The following SLC7A14 variants were observed in gnomAD, a reference collection of about 807,000 sequenced individuals.
The protein encoded by SLC7A14 is solute carrier family 7 member 14.
In SLC7A14, 37 loss-of-function variants were observed where a neutral mutation model predicts 60.2. That is an observed-to-expected ratio of 0.61 (90% CI 0.47 to 0.81). The LOEUF (loss-of-function observed/expected upper bound fraction) is 0.81, where lower values mean the gene tolerates loss of function less well. SLC7A14 is among the 30% of genes least tolerant of loss of function. The pLI, the probability that SLC7A14 is intolerant of heterozygous loss-of-function variation, is 0.00. For synonymous variants in SLC7A14, 399 were observed against 395.8 expected (o/e 1.01, Z -0.10); for missense variants, 886 against 982.7 (o/e 0.90, Z 1.32).
chr3:170,472,759 C>T (rs1337949900), intron 7 of SLC7A14, among the ~76,000 whole-genome samples: 6 of 145,244 alleles, frequency 4.1e-5, no homozygotes, highest in Admixed American at 3.4e-4. Context: ...AGAGTGAAGA[C>T]TCCGTCTCAA....
At position 170,580,455 on chromosome 3, in the gene SLC7A14, CAT is replaced by C. The variant is rs780516311; in HGVS notation, c.-153+5454_-153+5455del. Among the ~76,000 whole-genome samples the C allele has an allele frequency of 9.8e-5, 15 of 152,302 alleles. No individual in the cohort carries two copies. The South Asian group carries it at 2.7e-3, about 27-fold the overall frequency. On this transcript the variant is annotated intron_variant, in intron 1 of 7. Transcript: ENST00000231706. ...GTGAATAAATCATGACGCCCAACAA[CAT>C]ATGTTTATTGTTAAAGCTAGCATCA...
intron 4 of SLC7A14, chr3:170,495,506 C>A: frequency 6.3e-6 from 5 of 791,156 alleles, no homozygotes; most frequent in Non-Finnish European, 1.0e-5. Context: ...CCTTTAGCAG[C>A]CGCTTTTACA....
chr3:170,541,328 T>C (rs571640235), intron 1 of SLC7A14, among the ~76,000 whole-genome samples: 1 of 152,338 alleles, frequency 6.6e-6, no homozygotes, highest in African/African-American at 2.4e-5. Flanking sequence ...CCAGGTGTTA[T>C]GGTTCACACC....
chr3:170,473,668 C>T (rs1414419152), intron 7 of SLC7A14, among the ~76,000 whole-genome samples: 5 of 152,094 alleles, frequency 3.3e-5, no homozygotes, highest in African/African-American at 1.2e-4. Flanking sequence ...CCCACCTCAA[C>T]CCCACCAACT....
intron 7 of SLC7A14, among the ~76,000 whole-genome samples, chr3:170,469,665 AC>A (rs1476075542): frequency 6.6e-6 from 1 of 151,396 alleles, no homozygotes; most frequent in Non-Finnish European, 1.5e-5. Context: ...ACCTGTGCAC[AC>A]CTCCTTTTGC....
chr3:170,506,778 A>G (rs528448228), intron 2 of SLC7A14, among the ~76,000 whole-genome samples: 1 of 152,210 alleles, frequency 6.6e-6, no homozygotes, highest in Non-Finnish European at 1.5e-5. Flanking sequence ...CCCTTTTAGA[A>G]CCAGGAAGCA....
At chr3:170,470,483 G>A (rs1739865880) in intron 7 of SLC7A14, among the ~76,000 whole-genome samples, 2 of 150,452 alleles carry the variant, frequency 1.3e-5, no homozygotes, top group African/African-American at 4.9e-5. Flanking sequence ...TTTCAAAGGT[G>A]TATCACTCTG....
intron 2 of SLC7A14, 67 bp downstream of exon 2, chr3:170,526,564 AAG>A: frequency 6.5e-7 from 1 of 1,547,128 alleles, no homozygotes; most frequent in Non-Finnish European, 8.8e-7. Flanking sequence ...ACTCCGGAGA[AAG>A]GGGATGAACA....
chr3:170,575,942 A>T (rs1231777749), intron 1 of SLC7A14, among the ~76,000 whole-genome samples: 1 of 152,216 alleles, frequency 6.6e-6, no homozygotes, highest in African/African-American at 2.4e-5. Context: ...AAGTTTCTTC[A>T]GTCCTTCCAG....
rs563610567 is a variant in SLC7A14, at chr3:170,461,874, A to G, written c.*5181T>C. The G allele has an allele frequency of 6.6e-6, 1 of 152,602 alleles. No homozygotes were observed. The highest frequency in any genetic ancestry group is 2.1e-4 in the South Asian group (1 of 4,828). 9.5% of individuals were successfully genotyped at this position (152,602 alleles called of 1,614,324 possible). ...ATCTTCCTTGACACGTCTTGTTCCA[A>G]ACAGCATGAAAATGGAGCGCTGGCA... is the stretch of plus-strand genomic sequence containing the variant. On this transcript the variant is annotated 3_prime_UTR_variant, in exon 8 of 8. Transcript: ENST00000231706.
chr3:170,550,373 T>A (rs1347048018), intron 1 of SLC7A14, among the ~76,000 whole-genome samples: 1 of 152,098 alleles, frequency 6.6e-6, no homozygotes, highest in East Asian at 1.9e-4. Flanking sequence ...GTCACTGAGA[T>A]CTCAATAGCC....
At chr3:170,478,456 G>C (rs1711702769) in intron 7 of SLC7A14, among the ~76,000 whole-genome samples, 2 of 152,146 alleles carry the variant, frequency 1.3e-5, no homozygotes, top group African/African-American at 4.8e-5. Context: ...TCCTCCTGAA[G>C]TCTAACCAGG....
intron 1 of SLC7A14, among the ~76,000 whole-genome samples, chr3:170,567,836 G>A (rs1278384731): frequency 6.6e-6 from 1 of 151,682 alleles, no homozygotes; most frequent in African/African-American, 2.4e-5. Context: ...CATGTCCTTT[G>A]CCCACTTTTT....
chr3:170,480,806 A>T lies in SLC7A14; in HGVS notation c.1476T>A (p.Asn492Lys). ...GAKNLPSLGD[N>K]EMLIGKSDKS... is the part of the protein sequence containing the mutation. ...TGTCTGATTTCCCTATGAGCATCTC[A>T]TTGTCTCCCAAGGATGGTAAGTTCT... Residue 492 changes from asparagine to lysine, a missense_variant, in exon 7 of 8, where the codon AAT becomes AAA. Coordinates refer to ENST00000231706, the MANE Select transcript of SLC7A14 (RefSeq NM_020949.3). The T allele has an allele frequency of 1.2e-6, 2 of 1,614,090 alleles. No homozygotes were observed. The highest frequency in any genetic ancestry group is 1.7e-6 in the Non-Finnish European group (2 of 1,180,018).
intron 1 of SLC7A14, among the ~76,000 whole-genome samples, chr3:170,572,919 G>C (rs1307574746): frequency 6.6e-6 from 1 of 152,068 alleles, no homozygotes; most frequent in African/African-American, 2.4e-5. Flanking sequence ...CAGCTCAAGG[G>C]GAAAATAAAA....
chr3:170,513,651 CT>C (rs1323306307), intron 2 of SLC7A14, among the ~76,000 whole-genome samples: 1 of 152,210 alleles, frequency 6.6e-6, no homozygotes, highest in Non-Finnish European at 1.5e-5. Context: ...CAAATAATTG[CT>C]TTTCACATAC....
At chr3:170,507,471 G>A (rs1343375461) in intron 2 of SLC7A14, among the ~76,000 whole-genome samples, 1 of 152,202 alleles carries the variant, frequency 6.6e-6, no homozygotes, top group African/African-American at 2.4e-5. Flanking sequence ...GAAGCCCGGA[G>A]ACTGGGGGAG....
At chr3:170,522,030 G>GT (rs1713356045) in intron 2 of SLC7A14, among the ~76,000 whole-genome samples, 1 of 152,088 alleles carries the variant, frequency 6.6e-6, no homozygotes, top group African/African-American at 2.4e-5. Flanking sequence ...AACATCATTA[G>GT]TAATTAGCAT....
chr3:170,532,098 C>T lies in SLC7A14; in HGVS notation c.-152-5010G>A, dbSNP rs1677219754. Reference sequence around the variant, plus strand: ...ATATGCTAAGGGACTACAAAAATCCCTCATGACACACTCGATGAGTAGTTG... The same window carrying T: ...ATATGCTAAGGGACTACAAAAATCCTTCATGACACACTCGATGAGTAGTTG... On this transcript the variant is annotated intron_variant, in intron 1 of 7. Transcript: ENST00000231706. The surrounding 1 kb of genome is among the most constrained non-coding windows in gnomAD (Gnocchi z 4.0). Among the ~76,000 whole-genome samples the T allele has an allele frequency of 6.6e-6, 1 of 152,184 alleles. No individual in the cohort carries two copies. Among genetic ancestry groups the T allele is most frequent in the Admixed American group, 6.5e-5 (1 of 15,282 alleles).
Sources: gnomAD v4.1 joint callset for allele counts (sites outside exome capture counted in the v4.1 genomes callset) on GRCh38, gnomAD v4.1.1 for gene constraint, Gnocchi (gnomAD v3.1) non-coding constraint, MANE v1.5 for transcripts, NCBI Gene and HGNC (gene_info 2026-07-23, HGNC 2026-07-21) for gene names.